NCAPH2: variants seen among roughly 807,000 people sequenced by gnomAD.
NCAPH2 encodes the protein condensin-2 complex subunit H2.
Under a neutral mutation model 88.6 loss-of-function variants are expected in NCAPH2, and 56 were observed. The ratio of observed to expected loss-of-function variants is 0.63; its 90% confidence interval spans 0.51 to 0.79. NCAPH2 has a LOEUF of 0.79. Ranked by LOEUF, NCAPH2 falls within the 30% of genes least tolerant of loss-of-function variation. NCAPH2 has a pLI of 0.00. For synonymous variants in NCAPH2, 378 were observed against 313.6 expected (o/e 1.21, Z -2.17); for missense variants, 794 against 792.0 (o/e 1.00, Z -0.03).
At chr22:50,515,579 G>A (rs1011421967) in intron 1 of NCAPH2, 15 of 515,766 alleles carry the variant, frequency 2.9e-5, no homozygotes, top group Non-Finnish European at 4.0e-5. Flanking sequence ...TGTATTTTTA[G>A]TAGAGACGAG....
chr22:50,514,755 C>T (rs1378600841), intron 1 of NCAPH2, among the ~76,000 whole-genome samples: 4 of 152,226 alleles, frequency 2.6e-5, no homozygotes, highest in Non-Finnish European at 5.9e-5. Flanking sequence ...TTTCCTCTCC[C>T]TTCCTCCCAG....
At chr22:50,520,328 T>G (rs1237020073) in intron 9 of NCAPH2, 1 of 152,152 alleles carries the variant, frequency 6.6e-6, no homozygotes, top group African/African-American at 2.4e-5. Flanking sequence ...CTTGGCTCAT[T>G]GCAGCCTTGA....
Position 50,522,409 on chromosome 22 carries a change from G to C in NCAPH2, c.1300G>C (p.Ala434Pro), listed in dbSNP as rs1266714183. 6.2e-7 allele frequency: 1 copy of C among 1,610,840 alleles called. No individual in the cohort carries two copies. The highest frequency in any genetic ancestry group is 8.5e-7 in the Non-Finnish European group (1 of 1,178,534). Residue 434 changes from alanine (A) to proline (P), a missense_variant, in exon 15 of 20, where the codon GCA (alanine) becomes CCA (proline). Physicochemically the swap from Ala to Pro is conservative, Grantham distance 27. This residue lies in a region of NCAPH2 where 735 missense variants were observed against 696.3 expected (regional missense o/e 1.06). Coordinates refer to ENST00000420993, the MANE Select transcript of NCAPH2 (RefSeq NM_152299.4). ...HLEDSLEDLG[A>P]ADDFLEPEEY... is the part of the protein sequence containing the mutation. The stretch of plus-strand genomic sequence containing the variant: ...GGAGGATTCCCTGGAAGACCTGGGG[G>C]CAGCAGGTGGGTGCCTGCCAGGGGG...
intron 9 of NCAPH2, 111 bp downstream of exon 9, chr22:50,519,431 C>G (rs576372715): frequency 6.7e-7 from 1 of 1,486,238 alleles, no homozygotes; most frequent in East Asian, 2.4e-5. Flanking sequence ...GGCCCCAGAC[C>G]ACTGGTCTGG....
chr22:50,518,113 G>A lies in NCAPH2; in HGVS notation c.501-20G>A. ...TGCCTGGGAAGGGTCTCTACAGCAGGCGTGTTTTTGCCAGCACAGCCGTCA... is the reference window on the plus strand; with the variant it reads ...TGCCTGGGAAGGGTCTCTACAGCAGACGTGTTTTTGCCAGCACAGCCGTCA... On this transcript the variant is annotated intron_variant, in intron 6 of 19. Coordinates refer to ENST00000420993, the MANE Select transcript of NCAPH2 (RefSeq NM_152299.4). 2 of 1,613,890 alleles carry A rather than the reference G, an allele frequency of 1.2e-6. No homozygotes were observed. Among genetic ancestry groups the A allele is most frequent in the Non-Finnish European group, 1.7e-6 (2 of 1,179,876 alleles).
At position 50,523,537 on chromosome 22, in the gene NCAPH2, G is replaced by A; in HGVS notation, c.*162G>A. On this transcript the variant is annotated 3_prime_UTR_variant, in exon 20 of 20. Coordinates refer to ENST00000420993, the MANE Select transcript of NCAPH2 (RefSeq NM_152299.4). ...GAAGAGGGCTGCCTGGCCTCCCTGGGCCGCTGGTACAGATCACACACACAC... is the reference window on the plus strand; with the variant it reads ...GAAGAGGGCTGCCTGGCCTCCCTGGACCGCTGGTACAGATCACACACACAC... 6.3e-7 allele frequency: 1 copy of A among 1,578,072 alleles called. No individual in the cohort carries two copies.
chr22:50,515,887 T>C, intron 1 of NCAPH2: 1 of 985,258 alleles, frequency 1.0e-6, no homozygotes. Flanking sequence ...TTGGGGCTCA[T>C]TGGCTTATGG....
At chr22:50,516,206 G>A (rs470120) in intron 1 of NCAPH2, among the ~76,000 whole-genome samples, 12,369 of 152,246 alleles carry the variant, frequency 0.081, 563 homozygotes, top group Middle Eastern at 0.16. Flanking sequence ...GTTGTTTGTA[G>A]ACAGTGTGCC....
chr22:50,508,672 G>T (rs533953072), intron 1 of NCAPH2, among the ~76,000 whole-genome samples: 1 of 152,318 alleles, frequency 6.6e-6, no homozygotes, highest in Admixed American at 6.5e-5. Flanking sequence ...GTTTCTACCC[G>T]TCAGCGAGCC....
In NCAPH2 at chr22:50,522,167, G is replaced by A; in HGVS notation, c.1163-14G>A. 2 of 1,612,590 alleles carry A rather than the reference G, an allele frequency of 1.2e-6. No individual in the cohort carries two copies. The highest frequency in any genetic ancestry group is 1.3e-5 in the African/African-American group (1 of 75,040). On this transcript the variant is annotated splice_polypyrimidine_tract_variant and intron_variant, in intron 13 of 19. Coordinates refer to ENST00000420993, the MANE Select transcript of NCAPH2 (RefSeq NM_152299.4). ...GGAAGGACGAGGGAGCCCTCACAAG[G>A]CCTTTGTCTGCAGACATGGAGGTCC...
chr22:50,513,145 C>T (rs987835458), intron 1 of NCAPH2, among the ~76,000 whole-genome samples: 2 of 152,232 alleles, frequency 1.3e-5, no homozygotes, highest in African/African-American at 4.8e-5. Context: ...TTAGTAGAGG[C>T]GTTAGAGATG....
Position 50,519,175 on chromosome 22 carries a change from T to C in NCAPH2, c.731-15T>C. On this transcript the variant is annotated splice_polypyrimidine_tract_variant and intron_variant, in intron 8 of 19. Coordinates refer to ENST00000420993, the MANE Select transcript of NCAPH2 (RefSeq NM_152299.4). ...GCACTCCTTGGAGCTGATCACTCTC[T>C]TGCTCCCTGCCTAGGCCCCTCTCCA... 6.3e-7 allele frequency: 1 copy of C among 1,598,278 alleles called. No homozygotes were observed.
chr22:50,517,942 C>T (rs375969690), intron 5 of NCAPH2, 31 bp from the exon 6 acceptor site: 3 of 1,606,850 alleles, frequency 1.9e-6, no homozygotes, highest in Non-Finnish European at 2.6e-6. Context: ...TGGAAGGGTG[C>T]CTGGCTCACC....
At position 50,524,750 on chromosome 22, in the gene NCAPH2, CTA is replaced by C; in HGVS notation, c.*1377_*1378del. ...GCCTTGCCTGAACTAACCACGTTAT[CTA>C]TTTGCAATAAACCCATTTCTTAAAA... On this transcript the variant is annotated 3_prime_UTR_variant, in exon 20 of 20. Coordinates refer to ENST00000420993, the MANE Select transcript of NCAPH2 (RefSeq NM_152299.4). The C allele has an allele frequency of 1.9e-6, 1 of 521,276 alleles. No individual in the cohort carries two copies. Among genetic ancestry groups the C allele is most frequent in the Non-Finnish European group, 3.8e-6 (1 of 263,868 alleles). The allele number at this position is 521,276 out of a possible 1,614,324, so 32.3% of individuals were successfully genotyped here. A position where few individuals can be genotyped will look rare whatever the true frequency, so the allele number is the denominator to read the frequency against.
chr22:50,523,861 A>G lies in NCAPH2; in HGVS notation c.*486A>G, dbSNP rs2069199371. The G allele has an allele frequency of 6.2e-7, 1 of 1,613,848 alleles. No homozygotes were observed. The highest frequency in any genetic ancestry group is 1.3e-5 in the African/African-American group (1 of 74,932). ...GGTCAGACCCAACAGTCTTGGGTGG[A>G]AGTCCTGGACGTAGCGGGCCATGGC... On this transcript the variant is annotated 3_prime_UTR_variant, in exon 20 of 20. Transcript: ENST00000420993.
chr22:50,523,749 G>A lies in NCAPH2; in HGVS notation c.*374G>A, dbSNP rs371871208. The A allele has an allele frequency of 3.1e-6, 5 of 1,614,094 alleles. No individual in the cohort carries two copies. Among genetic ancestry groups the A allele is most frequent in the African/African-American group, 1.3e-5 (1 of 74,942 alleles). ...GGTAGATGGCAATGGAGTGGTCCAC[G>A]ATGTAGTCCTGGTCCTCATCCTTGG... is the stretch of plus-strand genomic sequence containing the variant. On this transcript the variant is annotated 3_prime_UTR_variant, in exon 20 of 20. Coordinates refer to ENST00000420993, the MANE Select transcript of NCAPH2 (RefSeq NM_152299.4).
intron 1 of NCAPH2, among the ~76,000 whole-genome samples, chr22:50,510,710 G>A (rs1003955748): frequency 5.9e-5 from 9 of 152,028 alleles, no homozygotes; most frequent in Admixed American, 6.5e-5. Flanking sequence ...GATTACAGAC[G>A]TGAGCCACCA....
intron 1 of NCAPH2, among the ~76,000 whole-genome samples, chr22:50,508,716 C>T (rs186129255): frequency 6.6e-6 from 1 of 152,366 alleles, no homozygotes; most frequent in East Asian, 1.9e-4. Flanking sequence ...CCAGCCGTTT[C>T]TCTAACGTAG....
In NCAPH2 at chr22:50,524,283, A is replaced by C. The variant is rs2069228890; in HGVS notation, c.*908A>C. On this transcript the variant is annotated 3_prime_UTR_variant, in exon 20 of 20. Coordinates refer to ENST00000420993, the MANE Select transcript of NCAPH2 (RefSeq NM_152299.4). The stretch of plus-strand genomic sequence containing the variant: ...GCTGGCCCTGCCCACCTGTCTCTGC[A>C]GGGCCCTGCCTTGACAAAAGCCAGG... The C allele has an allele frequency of 6.2e-7, 1 of 1,603,394 alleles. No individual in the cohort carries two copies. The highest frequency in any genetic ancestry group is 1.3e-5 in the African/African-American group (1 of 74,846).
Sources: gnomAD v4.1 joint callset for allele counts (sites outside exome capture counted in the v4.1 genomes callset) on GRCh38, gnomAD v4.1.1 for gene constraint, gnomAD v4.1.1 regional missense constraint, MANE v1.5 for transcripts, NCBI Gene and HGNC (gene_info 2026-07-23, HGNC 2026-07-21) for gene names.